The following OC90 variants were observed in gnomAD, a reference collection of about 807,000 sequenced individuals.
OC90 encodes otoconin 90.
Under a neutral mutation model 47.3 loss-of-function variants are expected in OC90, and 46 were observed. The ratio of observed to expected loss-of-function variants is 0.97; its 90% CI spans 0.77 to 1.24. The LOEUF (loss-of-function observed/expected upper bound fraction) is 1.24. OC90 is among the 50% of genes most tolerant of loss of function. The pLI, the probability that OC90 is intolerant of heterozygous loss-of-function variation, is 0.00. For synonymous variants in OC90, 271 were observed against 219.5 expected (o/e 1.23, Z -2.07); for missense variants, 688 against 583.9 (o/e 1.18, Z -1.84).
chr8:132,050,615 C>T (rs1382355401), intron 2 of OC90, among the ~76,000 whole-genome samples: 4 of 152,182 alleles, frequency 2.6e-5, no homozygotes, highest in African/African-American at 9.7e-5. Flanking sequence ...GTGTTCTTTC[C>T]TCGTTGAGCC....
chr8:132,031,867 C>T lies in OC90; in HGVS notation c.1031+14G>A. The stretch of plus-strand genomic sequence containing the variant: ...CACTACTACACCAGAGCTGTCACCG[C>T]TGGCTCTCCATACCTGTCTAGGTCA... On this transcript the variant is annotated intron_variant, in intron 12 of 13. Coordinates refer to ENST00000254627, the MANE Select transcript of OC90 (RefSeq NM_001080399.3). 1 of 1,612,336 alleles carries T rather than the reference C, an allele frequency of 6.2e-7. No homozygotes were observed. The highest frequency in any genetic ancestry group is 1.1e-5 in the South Asian group (1 of 90,718).
intron 12 of OC90, among the ~76,000 whole-genome samples, chr8:132,029,986 T>C (rs1822851076): frequency 6.6e-6 from 1 of 152,204 alleles, no homozygotes; most frequent in Non-Finnish European, 1.5e-5. Flanking sequence ...GGCTTTTTTA[T>C]TGCACCTCTT....
At chr8:132,025,464 G>A (rs1822742808) in intron 13 of OC90, among the ~76,000 whole-genome samples, 1 of 152,150 alleles carries the variant, frequency 6.6e-6, no homozygotes, top group South Asian at 2.1e-4. Flanking sequence ...GACCAGTAAG[G>A]GGAAATTGCC....
intron 13 of OC90, among the ~76,000 whole-genome samples, chr8:132,027,693 G>C (rs1822779364): frequency 6.6e-6 from 1 of 152,208 alleles, no homozygotes; most frequent in Non-Finnish European, 1.5e-5. Flanking sequence ...GCAGTTTTCA[G>C]AGTGGTCCCT....
chr8:132,057,115 G>T (rs565059463), intron 1 of OC90, among the ~76,000 whole-genome samples: 1 of 152,190 alleles, frequency 6.6e-6, no homozygotes, highest in Non-Finnish European at 1.5e-5. Flanking sequence ...ATACAACAGC[G>T]CCTGACATAG....
intron 1 of OC90, among the ~76,000 whole-genome samples, chr8:132,057,573 C>A (rs770961817): frequency 6.6e-6 from 1 of 152,140 alleles, no homozygotes; most frequent in Non-Finnish European, 1.5e-5. Context: ...TGGACAGTGG[C>A]GTGATTGCAT....
At chr8:132,058,486 T>C (rs932369856) in intron 1 of OC90, among the ~76,000 whole-genome samples, 1 of 152,180 alleles carries the variant, frequency 6.6e-6, no homozygotes, top group South Asian at 2.1e-4. Context: ...GCCGGTCTCA[T>C]GGCTGCATAG....
intron 4 of OC90, among the ~76,000 whole-genome samples, chr8:132,042,199 A>G (rs1024879488): frequency 1.3e-5 from 2 of 152,192 alleles, no homozygotes; most frequent in African/African-American, 4.8e-5. Flanking sequence ...TGCAGCAACC[A>G]CATTATAATC....
Position 132,041,663 on chromosome 8 carries a change from A to G in OC90, c.206T>C (p.Val69Ala), listed in dbSNP as rs752460932. The change falls in exon 5 of 14, where the codon GTC becomes GCC. Residue 69 changes from valine to alanine, a missense_variant. Physicochemically the swap from Val to Ala is moderately conservative, Grantham distance 64. Coordinates refer to ENST00000254627, the MANE Select transcript of OC90 (RefSeq NM_001080399.3). ...LGPHFTWLQA[V>A]FTNFPVLIQF... ...GATCAGCACAGGGAAATTGGTGAAG[A>G]CAGCCTGCAGCCAGGTGAAGTGGGG... The G allele has an allele frequency of 2.5e-6, 4 of 1,583,648 alleles. No individual in the cohort carries two copies. Among genetic ancestry groups the G allele is most frequent in the Non-Finnish European group, 3.4e-6 (4 of 1,163,746 alleles).
intron 4 of OC90, among the ~76,000 whole-genome samples, chr8:132,043,920 A>G (rs1419784196): frequency 6.6e-6 from 1 of 152,136 alleles, no homozygotes; most frequent in African/African-American, 2.4e-5. Flanking sequence ...TTTTTTTGGT[A>G]CTTCTAGTAG....
chr8:132,050,047 A>G (rs1301729147), intron 2 of OC90, among the ~76,000 whole-genome samples: 2 of 152,096 alleles, frequency 1.3e-5, no homozygotes, highest in African/African-American at 4.8e-5. Flanking sequence ...CCTTACCTCT[A>G]CCATTGTGTC....
In OC90 at chr8:132,041,159, G is replaced by A. The variant is rs1464560684; in HGVS notation, c.345-3C>T. On this transcript the variant is annotated splice_polypyrimidine_tract_variant and splice_region_variant and intron_variant, in intron 5 of 13. Coordinates refer to ENST00000254627, the MANE Select transcript of OC90 (RefSeq NM_001080399.3). The stretch of plus-strand genomic sequence containing the variant: ...ACCTGCGGTGCTGGAAGCAGCAGCT[G>A]TAGGAAGGCCGGGAGGAGGCAGGGT... 6.2e-7 allele frequency: 1 copy of A among 1,602,746 alleles called. No homozygotes were observed. The highest frequency in any genetic ancestry group is 1.7e-4 in the Middle Eastern group (1 of 5,990).
intron 10 of OC90, 144 bp downstream of exon 10, chr8:132,034,637 G>T (rs1328597624): frequency 6.8e-6 from 4 of 584,184 alleles, no homozygotes; most frequent in Non-Finnish European, 1.2e-5. Context: ...GGGAATAAAT[G>T]CTTCCGATTC....
Position 132,054,985 on chromosome 8 carries a change from A to G in OC90, c.42T>C (p.His14=). The change falls in exon 2 of 14, where the codon CAT becomes CAC. Residue 14 remains histidine, a synonymous_variant. Coordinates refer to ENST00000254627, the MANE Select transcript of OC90 (RefSeq NM_001080399.3). Reference sequence around the variant, plus strand: ...GTGTAAGATATCATTACTCACCGGCATGGGGGATCATCAGCACACTGGTGA... The same window carrying G: ...GTGTAAGATATCATTACTCACCGGCGTGGGGGATCATCAGCACACTGGTGA... ...FLLTSVLMIP[H]AGGHPLDTPH... is the part of the protein sequence containing the mutation. 6.5e-7 allele frequency: 1 copy of G among 1,549,498 alleles called. No homozygotes were observed. The highest frequency in any genetic ancestry group is 8.7e-7 in the Non-Finnish European group (1 of 1,145,934).
At chr8:132,034,696 G>GAACC (rs140152480) in intron 10 of OC90, 85 bp downstream of exon 10, 56,458 of 917,040 alleles carry the variant, frequency 0.062, 2,168 homozygotes, top group Non-Finnish European at 0.071. Context: ...ATTTCATTTG[G>GAACC]AACCCAGTTG....
chr8:132,025,149 T>C (rs1822737719), intron 13 of OC90, among the ~76,000 whole-genome samples: 1 of 152,228 alleles, frequency 6.6e-6, no homozygotes, highest in African/African-American at 2.4e-5. Flanking sequence ...TCATTGTCTG[T>C]TTATGTATCC....
chr8:132,031,896 C>T lies in OC90; in HGVS notation c.1016G>A (p.Arg339Lys), dbSNP rs374471136. 2.5e-6 allele frequency: 4 copies of T among 1,613,798 alleles called. No individual in the cohort carries two copies. The highest frequency in any genetic ancestry group is 2.2e-5 in the East Asian group (1 of 44,878). ...CTCTCCATACCTGTCTAGGTCATCC[C>T]TTGGCTCGCCTCTTCCTTCTTGTCC... is the stretch of plus-strand genomic sequence containing the variant. ...YCGQEGRGEPRDDLDRCCLSH... is the reference protein window; with the variant it reads ...YCGQEGRGEPKDDLDRCCLSH... Residue 339 changes from arginine (R) to lysine (K), a missense_variant, in exon 12 of 14, where the codon AGG (arginine) becomes AAG (lysine). Arg to Lys is a conservative substitution (Grantham distance 26). Coordinates refer to ENST00000254627, the MANE Select transcript of OC90 (RefSeq NM_001080399.3).
intron 9 of OC90, among the ~76,000 whole-genome samples, chr8:132,036,919 A>G (rs183219402): frequency 5.4e-4 from 82 of 152,348 alleles, no homozygotes; most frequent in African/African-American, 1.7e-3. Flanking sequence ...TGTTTTTTAT[A>G]GCCACACCTG....
chr8:132,050,389 G>C (rs1255483877), intron 2 of OC90, among the ~76,000 whole-genome samples: 1 of 152,112 alleles, frequency 6.6e-6, no homozygotes, highest in Non-Finnish European at 1.5e-5. Flanking sequence ...TTTGGAATCT[G>C]TCACTCATGT....
Sources: allele counts gnomAD v4.1 joint callset (sites outside exome capture counted in the v4.1 genomes callset), GRCh38; gene constraint gnomAD v4.1.1; transcripts MANE v1.5; gene names NCBI Gene and HGNC (gene_info 2026-07-23, HGNC 2026-07-21).